Variants in ERC1 observed in about 807,000 individuals in gnomAD.
ERC1 encodes RAB6 interacting protein 2.
ERC1 carries 56 observed loss-of-function variants against 132.0 expected under a neutral mutation model. The observed-to-expected ratio is 0.42, with a 90% CI of 0.34 to 0.53. The LOEUF (loss-of-function observed/expected upper bound fraction) is 0.53, where lower values mean the gene tolerates loss of function less well. ERC1 is among the 20% of genes least tolerant of loss of function. ERC1 has a pLI of 0.03. For synonymous variants in ERC1, 478 were observed against 476.1 expected (o/e 1.00, Z -0.05); for missense variants, 1,202 against 1,349.9 (o/e 0.89, Z 1.72).
At chr12:1,440,505 C>CGT (rs1365377260) in intron 17 of ERC1, among the ~76,000 whole-genome samples, 3 of 126,196 alleles carry the variant, frequency 2.4e-5, no homozygotes, top group African/African-American at 9.3e-5. Context: ...CGCGCCCGGC[C>CGT]TTTTTTTTTT....
At chr12:1,006,230 T>A (rs1397645751) in intron 1 of ERC1, among the ~76,000 whole-genome samples, 2 of 152,056 alleles carry the variant, frequency 1.3e-5, no homozygotes, top group East Asian at 1.9e-4. Context: ...GTGCTGGGAT[T>A]ACAGGCATGA....
intron 15 of ERC1, among the ~76,000 whole-genome samples, chr12:1,303,646 A>T (rs113008793): frequency 0.036 from 5,445 of 151,454 alleles, 105 homozygotes; most frequent in Middle Eastern, 0.072. Context: ...CTCAAAAAAA[A>T]AAATAAATAA....
chr12:1,207,912 C>T (rs1957487384), intron 12 of ERC1, among the ~76,000 whole-genome samples: 1 of 151,948 alleles, frequency 6.6e-6, no homozygotes, highest in African/African-American at 2.4e-5. Flanking sequence ...TCATATAAAC[C>T]ACAAATCATC....
chr12:1,030,166 CCTT>C (rs1967741992), intron 2 of ERC1, among the ~76,000 whole-genome samples: 1 of 152,032 alleles, frequency 6.6e-6, no homozygotes, highest in Non-Finnish European at 1.5e-5. Context: ...TTTTTTTCCT[CCTT>C]AAAAAAGCTG....
At chr12:1,175,735 A>T (rs1305935262) in intron 8 of ERC1, among the ~76,000 whole-genome samples, 1 of 152,130 alleles carries the variant, frequency 6.6e-6, no homozygotes, top group Non-Finnish European at 1.5e-5. Flanking sequence ...GCGTTTCTCC[A>T]TGTTGGCCAG....
chr12:1,173,609 G>A (rs1953328633), intron 8 of ERC1, among the ~76,000 whole-genome samples: 1 of 152,094 alleles, frequency 6.6e-6, no homozygotes, highest in Admixed American at 6.5e-5. Flanking sequence ...ATGGGTACTT[G>A]AATTAGTATA....
chr12:1,400,168 C>T (rs184710846), intron 16 of ERC1, among the ~76,000 whole-genome samples: 3 of 152,274 alleles, frequency 2.0e-5, no homozygotes, highest in East Asian at 1.9e-4. Flanking sequence ...GGCTTTGATA[C>T]GCATTTCCCT....
chr12:1,273,123 G>A (rs2077994066), intron 14 of ERC1, among the ~76,000 whole-genome samples: 2 of 152,156 alleles, frequency 1.3e-5, no homozygotes, highest in African/African-American at 4.8e-5. Context: ...TTGAAACTAA[G>A]CATTGGTTTT....
rs540355503 is a variant in ERC1 at position 1,347,035 on chromosome 12, A to G, written c.2781-24798A>G. ...CTTTGAGGATGGTATGTTGTAGTCC[A>G]GAGAAGGTATTTAGAATTGTGACAA... is the stretch of plus-strand genomic sequence containing the variant. On this transcript the variant is annotated intron_variant, in intron 15 of 18. Transcript: ENST00000360905. 5.3e-5 allele frequency among the ~76,000 whole-genome samples: 8 copies of G among 152,190 alleles called. No individual in the cohort carries two copies. The East Asian group carries it at 1.5e-3, about 29-fold the overall frequency.
At chr12:1,165,649 T>G (rs1006054047) in intron 8 of ERC1, among the ~76,000 whole-genome samples, 2 of 152,050 alleles carry the variant, frequency 1.3e-5, no homozygotes, top group African/African-American at 2.4e-5. Flanking sequence ...TTTAAGAACA[T>G]TAAGAAGAAA....
At chr12:1,071,951 A>C (rs1318392292) in intron 2 of ERC1, among the ~76,000 whole-genome samples, 2 of 152,074 alleles carry the variant, frequency 1.3e-5, no homozygotes, top group Non-Finnish European at 2.9e-5. Flanking sequence ...AAATACAAAA[A>C]CTAGCTAGGC....
Position 1,185,854 on chromosome 12 carries a change from C to G in ERC1, c.2157+2433C>G, listed in dbSNP as rs1223826779. ...TCTGCTGCTTTTACCTTGTTTTGTT[C>G]CTAGTGAGTTAATTCATTCAGGACT... is the stretch of plus-strand genomic sequence containing the variant. On this transcript the variant is annotated intron_variant, in intron 11 of 18. Coordinates refer to ENST00000360905, the MANE Select transcript of ERC1 (RefSeq NM_178040.4). Among the ~76,000 whole-genome samples the G allele has an allele frequency of 2.6e-5, 4 of 151,458 alleles. No homozygotes were observed. The South Asian group carries it at 8.3e-4, about 32-fold the overall frequency.
chr12:1,272,945 C>CT (rs2077972422), intron 14 of ERC1, among the ~76,000 whole-genome samples: 1 of 69,626 alleles, frequency 1.4e-5, no homozygotes, highest in Non-Finnish European at 2.6e-5. Flanking sequence ...GAGACTCCGT[C>CT]TAAAAAAAAA....
intron 1 of ERC1, among the ~76,000 whole-genome samples, chr12:1,003,107 AAAAAAAAGACTC>A (rs1460451038): frequency 2.3e-4 from 31 of 135,548 alleles, no homozygotes; most frequent in Non-Finnish European, 5.2e-4. Context: ...AAAAAAAAAA[AAAAAAAAGACTC>A]AAAAAAAAAA....
At chr12:1,029,463 T>G (rs1214723558) in intron 2 of ERC1, among the ~76,000 whole-genome samples, 1 of 152,250 alleles carries the variant, frequency 6.6e-6, no homozygotes, top group East Asian at 1.9e-4. Context: ...AGCTTTTCGT[T>G]CTGTAATTCT....
intron 12 of ERC1, among the ~76,000 whole-genome samples, chr12:1,225,576 G>GT (rs2074517061): frequency 6.6e-6 from 1 of 151,886 alleles, no homozygotes; most frequent in Non-Finnish European, 1.5e-5. Flanking sequence ...CCATAACCTA[G>GT]TTTTATGATT....
At chr12:1,066,582 A>G (rs537604559) in intron 2 of ERC1, among the ~76,000 whole-genome samples, 71 of 152,280 alleles carry the variant, frequency 4.7e-4, no homozygotes, top group Middle Eastern at 3.4e-3. Flanking sequence ...CACGCCTGTA[A>G]TCCCAGCACT....
chr12:1,005,645 T>C (rs1397449663), intron 1 of ERC1, among the ~76,000 whole-genome samples: 3 of 152,206 alleles, frequency 2.0e-5, no homozygotes, highest in African/African-American at 7.2e-5. Flanking sequence ...ATGTGATTGT[T>C]TATTCTTATG....
intron 11 of ERC1, 120 bp downstream of exon 11, chr12:1,183,541 A>G (rs1954724423): frequency 1.9e-6 from 1 of 535,334 alleles, no homozygotes; most frequent in African/African-American, 1.9e-5. Flanking sequence ...ACTTTAAAAT[A>G]CCATGTATAT....
Sources: gnomAD v4.1 joint callset for allele counts (sites outside exome capture counted in the v4.1 genomes callset) on GRCh38, gnomAD v4.1.1 for gene constraint, MANE v1.5 for transcripts, NCBI Gene and HGNC (gene_info 2026-07-23, HGNC 2026-07-21) for gene names.